Variants in EDARADD observed in about 807,000 individuals in gnomAD.
EDARADD encodes the protein ectodysplasin-A receptor-associated adapter protein.
EDARADD carries 20 observed loss-of-function variants against 25.6 expected under a neutral mutation model. The ratio of observed to expected loss-of-function variants is 0.78; its 90% CI spans 0.55 to 1.14. The LOEUF is 1.14. Among genes scored for constraint, EDARADD ranks in the 50% most tolerant of loss-of-function variants. The pLI, the probability that EDARADD is intolerant of heterozygous loss-of-function variation, is 0.00. For missense variants in EDARADD, 225 were observed against 270.1 expected (o/e 0.83, Z 1.17); for synonymous variants, 86 against 94.4 (o/e 0.91, Z 0.52).
intron 4 of EDARADD, among the ~76,000 whole-genome samples, chr1:236,464,450 T>TTTTTTG (rs1659132897): frequency 7.3e-6 from 1 of 136,074 alleles, no homozygotes; most frequent in African/African-American, 3.1e-5. Flanking sequence ...TTTTTTTTTT[T>TTTTTTG]GAGACAGAAT....
At chr1:236,467,759 A>T (rs568890059) in intron 4 of EDARADD, among the ~76,000 whole-genome samples, 1 of 152,014 alleles carries the variant, frequency 6.6e-6, no homozygotes, top group Non-Finnish European at 1.5e-5. Flanking sequence ...GCATGCATTG[A>T]TACCCTTTTT....
intron 3 of EDARADD, among the ~76,000 whole-genome samples, chr1:236,425,793 G>T (rs663779): frequency 0.44 from 66,459 of 151,954 alleles, 17,322 homozygotes; most frequent in Non-Finnish European, 0.59. Context: ...ACACAGCATT[G>T]CATAGGCCAG....
At chr1:236,457,823 C>CAAA (rs1553269204) in intron 4 of EDARADD, among the ~76,000 whole-genome samples, 11 of 118,272 alleles carry the variant, frequency 9.3e-5, no homozygotes, top group African/African-American at 3.5e-4. Flanking sequence ...TGTCCCCCAC[C>CAAA]AAAAAAAAAA....
Position 236,378,629 on chromosome 1 carries a change from C to T in EDARADD, c.-6+27790C>T, listed in dbSNP as rs952862609. Among the ~76,000 whole-genome samples, 13 of 152,072 alleles carry T rather than the reference C, an allele frequency of 8.5e-5. No homozygotes were observed. In the South Asian group the frequency reaches 1.0e-3, roughly 12 times the overall value. On this transcript the variant is annotated intron_variant, in intron 3 of 7. Transcript: ENST00000439430. ...AGAGTGATGACTTCCAAGCTCCCTG[C>T]GTGCTGGCCATTATAAAGTTTTAAG...
chr1:236,429,004 C>T (rs573914120), intron 4 of EDARADD, among the ~76,000 whole-genome samples: 1 of 152,268 alleles, frequency 6.6e-6, no homozygotes, highest in African/African-American at 2.4e-5. Flanking sequence ...GGCGTTGCGA[C>T]GCGCGCCTGC....
Position 236,483,248 on chromosome 1 carries a change from AG to A in EDARADD, c.*601del. On this transcript the variant is annotated 3_prime_UTR_variant, in exon 6 of 6. Transcript: ENST00000334232. ...TTGAGGTTGATCTCTTCACCTCAGA[AG>A]GTCTCTTCAGAGCTGCTGTGCCCAG... The A allele has an allele frequency of 6.3e-7, 1 of 1,598,022 alleles. No individual in the cohort carries two copies. Among genetic ancestry groups the A allele is most frequent in the East Asian group, 2.2e-5 (1 of 44,706 alleles).
intron 1 of EDARADD, among the ~76,000 whole-genome samples, chr1:236,405,822 T>TTCCCTTCCTTCCTTCCTTCC (rs1667711688): frequency 3.6e-5 from 2 of 55,478 alleles, no homozygotes; most frequent in East Asian, 8.1e-4. Context: ...CCTTCCTTCC[T>TTCCCTTCCTTCCTTCCTTCC]TTCCTTCCTT....
intron 3 of EDARADD, among the ~76,000 whole-genome samples, chr1:236,353,421 C>A (rs567109397): frequency 6.6e-6 from 1 of 152,150 alleles, no homozygotes; most frequent in Non-Finnish European, 1.5e-5. Context: ...GTGGCTCACA[C>A]CTGTAATCCC....
intron 4 of EDARADD, among the ~76,000 whole-genome samples, chr1:236,465,561 C>T (rs1052044266): frequency 3.3e-5 from 5 of 152,124 alleles, no homozygotes; most frequent in African/African-American, 1.2e-4. Context: ...CATAAGAAGA[C>T]ACCTGTCCTC....
At chr1:236,367,375 G>A (rs1445634739) in intron 3 of EDARADD, among the ~76,000 whole-genome samples, 4 of 151,748 alleles carry the variant, frequency 2.6e-5, no homozygotes, top group African/African-American at 9.7e-5. Flanking sequence ...GATTACAGGC[G>A]CCTGCCACCA....
intron 3 of EDARADD, among the ~76,000 whole-genome samples, chr1:236,360,506 A>G (rs2102991212): frequency 6.6e-6 from 1 of 151,916 alleles, no homozygotes; most frequent in East Asian, 1.9e-4. Context: ...AGCAACCTCA[A>G]ATATTCAGGA....
intron 4 of EDARADD, among the ~76,000 whole-genome samples, chr1:236,448,289 G>A (rs546005132): frequency 7.9e-5 from 12 of 152,320 alleles, no homozygotes; most frequent in African/African-American, 1.4e-4. Flanking sequence ...CTTAGACCAC[G>A]CATCCACAGG....
intron 4 of EDARADD, among the ~76,000 whole-genome samples, chr1:236,455,082 C>T (rs535341629): frequency 1.6e-4 from 25 of 152,168 alleles, no homozygotes; most frequent in East Asian, 7.7e-4. Context: ...TGGTGGCGGG[C>T]GCCTGTAGTC....
At chr1:236,405,084 A>G (rs1226578434) in intron 1 of EDARADD, among the ~76,000 whole-genome samples, 2 of 152,022 alleles carry the variant, frequency 1.3e-5, no homozygotes, top group Non-Finnish European at 2.9e-5. Flanking sequence ...ACAGAGTGAG[A>G]CTCCATCTCA....
Position 236,463,235 on chromosome 1 carries a change from G to T in EDARADD, c.220-4996G>T, listed in dbSNP as rs376421821. 2.6e-5 allele frequency among the ~76,000 whole-genome samples: 4 copies of T among 152,240 alleles called. No homozygotes were observed. The South Asian group carries it at 6.2e-4, about 24-fold the overall frequency. On this transcript the variant is annotated intron_variant, in intron 4 of 5. Coordinates refer to ENST00000334232, the MANE Select transcript of EDARADD (RefSeq NM_145861.4). ...TGTCGAGCGTGTTGCCTTCCCTACT[G>T]CCCACATCGTTTGAGAGAACACATT...
At chr1:236,356,855 G>A (rs1424910838) in intron 3 of EDARADD, among the ~76,000 whole-genome samples, 1 of 152,052 alleles carries the variant, frequency 6.6e-6, no homozygotes, top group African/African-American at 2.4e-5. Flanking sequence ...AGGCCGAGGT[G>A]GGCAGATCAC....
chr1:236,391,949 CATCTTCAG>C (rs1667431671), upstream of EDARADD, among the ~76,000 whole-genome samples: 1 of 152,180 alleles, frequency 6.6e-6, no homozygotes, highest in Admixed American at 6.5e-5. Flanking sequence ...TGCTTCCATA[CATCTTCAG>C]TGCCTCCTTC....
At chr1:236,357,355 G>A (rs142906099) in intron 3 of EDARADD, among the ~76,000 whole-genome samples, 5 of 152,070 alleles carry the variant, frequency 3.3e-5, no homozygotes, top group Non-Finnish European at 2.9e-5. Context: ...GGCTGGGTAA[G>A]TTATGAAGAA....
chr1:236,359,217 CTGT>C (rs1395933324), intron 3 of EDARADD, among the ~76,000 whole-genome samples: 46 of 152,318 alleles, frequency 3.0e-4, no homozygotes, highest in African/African-American at 9.9e-4. Context: ...TGGCTGCACA[CTGT>C]CCTTTTTAAC....
Sources: gnomAD v4.1 joint callset for allele counts (sites outside exome capture counted in the v4.1 genomes callset) on GRCh38, gnomAD v4.1.1 for gene constraint, MANE v1.5 for transcripts, NCBI Gene and HGNC (gene_info 2026-07-23, HGNC 2026-07-21) for gene names.